ZNF474: variants seen among roughly 807,000 people sequenced by gnomAD.
The protein encoded by ZNF474 is 4933409D10Rik.
For synonymous variants in ZNF474, 192 were observed against 162.2 expected (o/e 1.18, Z -1.39); for missense variants, 511 against 433.8 (o/e 1.18, Z -1.58).
At chr5:122,151,720 T>TGTG in intron 1 of ZNF474, 59 bp from the exon 2 acceptor site, 1 of 330,978 alleles carries the variant, frequency 3.0e-6, no homozygotes, top group African/African-American at 2.1e-5. Context: ...TGTGTGTGTG[T>TGTG]GTGTGTGTGT....
intron 1 of ZNF474, among the ~76,000 whole-genome samples, chr5:122,141,908 G>C (rs2152605006): frequency 6.6e-6 from 1 of 152,288 alleles, no homozygotes; most frequent in East Asian, 1.9e-4. Flanking sequence ...ATCTCTCACT[G>C]ACTGGGGAAG....
intron 1 of ZNF474, chr5:122,147,824 T>G (rs1756031068): frequency 6.6e-6 from 1 of 152,236 alleles, no homozygotes; most frequent in African/African-American, 2.4e-5. Context: ...TTTCCACGGT[T>G]ATTACATTCT....
chr5:122,135,151 T>C (rs955153121), intron 1 of ZNF474, among the ~76,000 whole-genome samples: 2 of 152,060 alleles, frequency 1.3e-5, no homozygotes, highest in Non-Finnish European at 2.9e-5. Context: ...AACTCAATAG[T>C]GAAAAACCAA....
At chr5:122,144,652 G>C (rs1363948442) in intron 1 of ZNF474, among the ~76,000 whole-genome samples, 1 of 152,204 alleles carries the variant, frequency 6.6e-6, no homozygotes, top group Non-Finnish European at 1.5e-5. Context: ...TATTGAAAAA[G>C]ACATATTGGT....
In ZNF474 at chr5:122,153,384, A is replaced by C. The variant is rs939934445; in HGVS notation, c.*299A>C. On this transcript the variant is annotated 3_prime_UTR_variant, in exon 2 of 2. Transcript: ENST00000296600. ...AATGAGTCATTAATGCTGTGTCTAC[A>C]TTACAGAGATATAATTCCCATTCCA... 6.2e-6 allele frequency: 2 copies of C among 320,604 alleles called. No homozygotes were observed. Among genetic ancestry groups the C allele is most frequent in the African/African-American group, 4.3e-5 (2 of 46,702 alleles). 19.9% of individuals were successfully genotyped at this position (320,604 alleles called of 1,614,324 possible).
At chr5:122,140,611 ACAACTATAAACTG>A (rs1755812820) in intron 1 of ZNF474, among the ~76,000 whole-genome samples, 3 of 152,368 alleles carry the variant, frequency 2.0e-5, no homozygotes, top group Middle Eastern at 3.4e-3. Flanking sequence ...CACCTAGTAT[ACAACTATAAACTG>A]CAATTAAATC....
At chr5:122,144,553 A>C (rs1019199856) in intron 1 of ZNF474, among the ~76,000 whole-genome samples, 1 of 152,210 alleles carries the variant, frequency 6.6e-6, no homozygotes, top group Non-Finnish European at 1.5e-5. Context: ...TTAAAATAAC[A>C]GGAACTAAGT....
rs570138369 is a variant in ZNF474, at chr5:122,140,768, A to G, written c.-212-11011A>G. ...GAATTTCCAAATCTGGCTCAATTAT[A>G]GACAAAATATTCAGTCTCACTCCTG... On this transcript the variant is annotated intron_variant, in intron 1 of 1. Transcript: ENST00000296600. 1.1e-4 allele frequency among the ~76,000 whole-genome samples: 17 copies of G among 152,344 alleles called. 1 individual carries two copies. The highest frequency in any genetic ancestry group is 1.1e-3 in the Admixed American group (17 of 15,298).
intron 1 of ZNF474, among the ~76,000 whole-genome samples, chr5:122,150,098 C>T (rs1756125148): frequency 1.3e-5 from 2 of 152,114 alleles, no homozygotes; most frequent in Admixed American, 6.5e-5. Flanking sequence ...TAAAATTCCT[C>T]GGTGAACAGA....
chr5:122,130,262 A>G (rs1023858509), intron 1 of ZNF474, among the ~76,000 whole-genome samples: 11 of 152,180 alleles, frequency 7.2e-5, no homozygotes, highest in African/African-American at 2.2e-4. Context: ...TAACAGGTAT[A>G]TACAACCATG....
At chr5:122,148,935 G>A (rs1756065472) in intron 1 of ZNF474, among the ~76,000 whole-genome samples, 1 of 151,926 alleles carries the variant, frequency 6.6e-6, no homozygotes, top group African/African-American at 2.4e-5. Flanking sequence ...TCACCATGCT[G>A]GCCAGGCTGG....
chr5:122,153,154 G>A lies in ZNF474; in HGVS notation c.*69G>A. The A allele has an allele frequency of 6.5e-7, 1 of 1,533,736 alleles. No homozygotes were observed. On this transcript the variant is annotated 3_prime_UTR_variant, in exon 2 of 2. Transcript: ENST00000296600. ...CTAGTATTTTTTCTATCAATGCCTT[G>A]TATCAGCCTCAAAGCAGCCTGTTCA...
At chr5:122,134,635 G>A (rs1580596603) in intron 1 of ZNF474, among the ~76,000 whole-genome samples, 1 of 152,116 alleles carries the variant, frequency 6.6e-6, no homozygotes, top group East Asian at 1.9e-4. Flanking sequence ...GATTTATCCT[G>A]TAGGCCATAG....
At chr5:122,145,833 T>A (rs1755974079) in intron 1 of ZNF474, among the ~76,000 whole-genome samples, 3 of 152,216 alleles carry the variant, frequency 2.0e-5, no homozygotes, top group Non-Finnish European at 4.4e-5. Flanking sequence ...TATCACAGAT[T>A]ATTATTACTT....
intron 1 of ZNF474, among the ~76,000 whole-genome samples, chr5:122,132,846 G>C (rs991360971): frequency 1.3e-5 from 2 of 152,128 alleles, no homozygotes; most frequent in Non-Finnish European, 1.5e-5. Context: ...ACATGGATCT[G>C]TTTGTCTATC....
intron 1 of ZNF474, among the ~76,000 whole-genome samples, chr5:122,149,900 TGTGTGTGTGTGTGC>T (rs1419980305): frequency 9.9e-5 from 15 of 150,812 alleles, no homozygotes; most frequent in African/African-American, 3.2e-4. Context: ...TGTGTGTGTG[TGTGTGTGTGTGTGC>T]GCGCGTGAGA....
intron 1 of ZNF474, among the ~76,000 whole-genome samples, chr5:122,135,261 T>C (rs1755673361): frequency 6.6e-6 from 1 of 152,104 alleles, no homozygotes; most frequent in Non-Finnish European, 1.5e-5. Context: ...CTTGAGGCCG[T>C]AAGTTAGAGA....
chr5:122,130,620 T>C (rs1269556232), intron 1 of ZNF474, among the ~76,000 whole-genome samples: 2 of 152,224 alleles, frequency 1.3e-5, no homozygotes, highest in African/African-American at 4.8e-5. Flanking sequence ...GGTCCTCTTA[T>C]AGCTAAAGCA....
intron 1 of ZNF474, among the ~76,000 whole-genome samples, chr5:122,142,371 C>T (rs148147360): frequency 0.022 from 3,393 of 152,268 alleles, 51 homozygotes; most frequent in Admixed American, 0.047. Flanking sequence ...AAAATATACA[C>T]GTGATCTTTG....
Sources: gnomAD v4.1 joint callset for allele counts (sites outside exome capture counted in the v4.1 genomes callset) on GRCh38, gnomAD v4.1.1 for gene constraint, MANE v1.5 for transcripts, NCBI Gene and HGNC (gene_info 2026-07-23, HGNC 2026-07-21) for gene names.